The following PDE10A variants were observed in gnomAD, a reference collection of about 807,000 sequenced individuals.
PDE10A encodes phosphodiesterase 10A, also known as cAMP and cAMP-inhibited cGMP 3',5'-cyclic phosphodiesterase 10A.
In PDE10A, 39 loss-of-function variants were observed where a neutral mutation model predicts 97.7. The ratio of observed to expected loss-of-function variants is 0.40; its 90% confidence interval spans 0.31 to 0.52. PDE10A has a LOEUF of 0.52. PDE10A is among the 20% of genes least tolerant of loss of function. The pLI is 0.56. For synonymous variants in PDE10A, 371 were observed against 376.8 expected (o/e 0.98, Z 0.18); for missense variants, 731 against 1,047.8 (o/e 0.70, Z 4.17).
chr6:165,716,774 G>A (rs992155668), intron 1 of PDE10A, among the ~76,000 whole-genome samples: 9 of 152,166 alleles, frequency 5.9e-5, no homozygotes, highest in African/African-American at 1.4e-4. Context: ...GGAATGAGAT[G>A]TCTAAGAACC....
chr6:165,426,151 C>T (rs1008067423), intron 10 of PDE10A, among the ~76,000 whole-genome samples: 2 of 152,060 alleles, frequency 1.3e-5, no homozygotes, highest in African/African-American at 4.8e-5. Context: ...CAACATAATT[C>T]CTATCAGCAT....
chr6:165,953,972 G>GT (rs1354248715), intron 1 of PDE10A, among the ~76,000 whole-genome samples: 2 of 152,160 alleles, frequency 1.3e-5, no homozygotes, highest in African/African-American at 2.4e-5. Context: ...TGTCTCCATA[G>GT]TTTCATCTTT....
intron 19 of PDE10A, among the ~76,000 whole-genome samples, chr6:165,340,569 G>T (rs540353714): frequency 6.6e-6 from 1 of 152,308 alleles, no homozygotes; most frequent in East Asian, 1.9e-4. Context: ...TGCTCTCAAA[G>T]ACTTGACAAG....
chr6:165,789,848 T>C (rs975314327), intron 1 of PDE10A, among the ~76,000 whole-genome samples: 3 of 152,214 alleles, frequency 2.0e-5, no homozygotes, highest in African/African-American at 7.2e-5. Flanking sequence ...ATATATGGTT[T>C]ACTCATGGTC....
At chr6:165,552,056 T>C (rs1476905793) in intron 1 of PDE10A, among the ~76,000 whole-genome samples, 1 of 152,104 alleles carries the variant, frequency 6.6e-6, no homozygotes, top group Non-Finnish European at 1.5e-5. Context: ...ATTTAGCCAA[T>C]TTAAAGGCAG....
chr6:165,811,176 T>C (rs930208531), intron 1 of PDE10A, among the ~76,000 whole-genome samples: 5 of 152,092 alleles, frequency 3.3e-5, no homozygotes, highest in Non-Finnish European at 5.9e-5. Flanking sequence ...TGAGCCAAGA[T>C]TGCACCACTG....
In PDE10A at chr6:165,671,085, G is replaced by A. The variant is rs548282122; in HGVS notation, c.-614-127517C>T. The stretch of plus-strand genomic sequence containing the variant: ...ACTGGTAAAGAGTCTGATTTCCTAG[G>A]TTTTCAACATATCAATGTTAGAATC... On this transcript the variant is annotated intron_variant, in intron 1 of 19. Transcript: ENST00000366882. This position sits in a 1 kb window ranked among gnomAD's most constrained non-coding sequence, Gnocchi z 4.6. Among the ~76,000 whole-genome samples the A allele has an allele frequency of 6.6e-6, 1 of 151,860 alleles. No homozygotes were observed. Among genetic ancestry groups the A allele is most frequent in the South Asian group, 2.1e-4 (1 of 4,814 alleles).
intron 13 of PDE10A, among the ~76,000 whole-genome samples, chr6:165,410,597 A>G (rs1787669830): frequency 6.6e-6 from 1 of 152,092 alleles, no homozygotes; most frequent in South Asian, 2.1e-4. Flanking sequence ...TCTTCTAAAG[A>G]AGTCAGTGAG....
intron 2 of PDE10A, among the ~76,000 whole-genome samples, chr6:165,494,452 A>ATG (rs1411374181): frequency 7.7e-6 from 1 of 129,084 alleles, no homozygotes; most frequent in Non-Finnish European, 1.6e-5. Flanking sequence ...GATAAAGAAA[A>ATG]TGTGGGGGGG....
intron 3 of PDE10A, among the ~76,000 whole-genome samples, chr6:165,479,372 G>A (rs186941637): frequency 6.6e-4 from 100 of 152,096 alleles, no homozygotes; most frequent in African/African-American, 2.2e-3. Flanking sequence ...ACTGGTCTCC[G>A]CATGACTCAC....
chr6:165,624,979 T>C (rs57030203), intron 1 of PDE10A, among the ~76,000 whole-genome samples: 3 of 152,002 alleles, frequency 2.0e-5, no homozygotes, highest in South Asian at 2.1e-4. Flanking sequence ...GAGGAAGAGT[T>C]TGCTATGCAG....
rs541939615 is a variant in PDE10A at position 165,531,451 on chromosome 6, T to C, written c.994+11989A>G. Among the ~76,000 whole-genome samples, 17 of 152,206 alleles carry C rather than the reference T, an allele frequency of 1.1e-4. No homozygotes were observed. The East Asian group carries it at 2.7e-3, about 24-fold the overall frequency. On this transcript the variant is annotated intron_variant, in intron 2 of 21. Coordinates refer to ENST00000539869, the MANE Select transcript of PDE10A (RefSeq NM_001385079.1). Reference sequence around the variant, plus strand: ...CTTATGTGACAATCTAAATGACTAATGATAATTTATTATTGAGGGGAAAAA... The same window carrying C: ...CTTATGTGACAATCTAAATGACTAACGATAATTTATTATTGAGGGGAAAAA...
intron 6 of PDE10A, among the ~76,000 whole-genome samples, chr6:165,434,266 C>CTTTCCTTCCCTTCTGTCCTTCTATCT (rs1789834078): frequency 6.6e-6 from 1 of 151,106 alleles, no homozygotes; most frequent in African/African-American, 2.4e-5. Context: ...TCCCTTCCTC[C>CTTTCCTTCCCTTCTGTCCTTCTATCT]CTTCCTTCCC....
intron 1 of PDE10A, among the ~76,000 whole-genome samples, chr6:165,870,939 G>A (rs1163442242): frequency 1.3e-5 from 2 of 152,178 alleles, no homozygotes; most frequent in African/African-American, 4.8e-5. Context: ...TGTCATCAGA[G>A]GCTGGGAAAG....
chr6:165,435,748 A>ACCC (rs1166428613), intron 5 of PDE10A, among the ~76,000 whole-genome samples: 3 of 152,154 alleles, frequency 2.0e-5, no homozygotes, highest in Non-Finnish European at 4.4e-5. Flanking sequence ...TACAGACTTG[A>ACCC]CACATGTTAC....
Position 165,871,246 on chromosome 6 carries a change from G to T in PDE10A, c.-615+116283C>A, listed in dbSNP as rs191715152. Among the ~76,000 whole-genome samples the T allele has an allele frequency of 2.6e-5, 4 of 152,264 alleles. No homozygotes were observed. The East Asian group carries it at 7.7e-4, about 29-fold the overall frequency. On this transcript the variant is annotated intron_variant, in intron 1 of 19. Transcript: ENST00000366882. ...ACTATTTATCAAGAAAAGAGGAAAA[G>T]GAATGAATTATTGATATAGGATGGA...
chr6:165,449,967 A>G (rs1156281132), intron 4 of PDE10A, among the ~76,000 whole-genome samples: 1 of 152,198 alleles, frequency 6.6e-6, no homozygotes, highest in African/African-American at 2.4e-5. Flanking sequence ...CAATAAAACT[A>G]TGCTTTCCAA....
At chr6:165,557,884 T>C (rs533884454) in intron 1 of PDE10A, among the ~76,000 whole-genome samples, 22 of 152,306 alleles carry the variant, frequency 1.4e-4, no homozygotes, top group Admixed American at 4.6e-4. Context: ...GCAAGGTCGA[T>C]AAGGGTACAA....
intron 1 of PDE10A, among the ~76,000 whole-genome samples, chr6:165,602,576 A>C (rs921811806): frequency 2.6e-5 from 4 of 152,232 alleles, no homozygotes; most frequent in African/African-American, 7.2e-5. Context: ...GCATGTGTAC[A>C]GGCCCCTTCC....
Sources: gnomAD v4.1 joint callset for allele counts (sites outside exome capture counted in the v4.1 genomes callset) on GRCh38, gnomAD v4.1.1 for gene constraint, Gnocchi (gnomAD v3.1) non-coding constraint, MANE v1.5 for transcripts, NCBI Gene and HGNC (gene_info 2026-07-23, HGNC 2026-07-21) for gene names.